Variants in ZNF532 observed in about 807,000 individuals in gnomAD.
ZNF532 encodes the protein zinc finger protein 532.
ZNF532 carries 22 observed loss-of-function variants against 89.3 expected under a neutral mutation model. The observed-to-expected ratio is 0.25, with a 90% CI of 0.18 to 0.35. ZNF532 has a LOEUF of 0.35. Ranked by LOEUF, ZNF532 falls within the 10% of genes least tolerant of loss-of-function variation. The probability of loss-of-function intolerance (pLI) is 1.00; values close to 1 mark genes in which losing one functional copy is unlikely to be tolerated. For missense variants in ZNF532, 1,132 were observed against 1,643.4 expected (o/e 0.69, Z 5.38); for synonymous variants, 606 against 649.6 (o/e 0.93, Z 1.02).
At chr18:58,910,993 C>T (rs925721766) in intron 2 of ZNF532, among the ~76,000 whole-genome samples, 5 of 152,206 alleles carry the variant, frequency 3.3e-5, no homozygotes, top group African/African-American at 1.2e-4. Flanking sequence ...ATCATCCTGC[C>T]TTGGCCTCCC....
At chr18:58,883,416 A>T (rs1349295029) in intron 2 of ZNF532, among the ~76,000 whole-genome samples, 1 of 152,126 alleles carries the variant, frequency 6.6e-6, no homozygotes, top group Non-Finnish European at 1.5e-5. Flanking sequence ...GGAGGATGAG[A>T]ACAGCTGTGA....
At chr18:58,916,107 C>T (rs1040963552) in intron 2 of ZNF532, among the ~76,000 whole-genome samples, 2 of 152,210 alleles carry the variant, frequency 1.3e-5, no homozygotes, top group African/African-American at 4.8e-5. Context: ...TTTCTAATCA[C>T]AGTGACCTCC....
chr18:58,969,342 T>C (rs1445249057), intron 7 of ZNF532, among the ~76,000 whole-genome samples: 1 of 152,112 alleles, frequency 6.6e-6, no homozygotes, highest in Admixed American at 6.5e-5. Context: ...GGAAGGGTGG[T>C]TCAGGGAGGA....
intron 7 of ZNF532, among the ~76,000 whole-genome samples, chr18:58,966,747 T>G (rs868628091): frequency 0.22 from 32,285 of 146,080 alleles, 5,056 homozygotes; most frequent in African/African-American, 0.49. Context: ...TGTTTTTTTT[T>G]TTTTTTTTTT....
chr18:58,967,669 ATACCG>A (rs2066064200), intron 7 of ZNF532, among the ~76,000 whole-genome samples: 1 of 152,162 alleles, frequency 6.6e-6, no homozygotes, highest in African/African-American at 2.4e-5. Context: ...AGCTCGGTAA[ATACCG>A]TGGAAGGAAT....
At chr18:58,944,423 T>C (rs1003250234) in intron 5 of ZNF532, among the ~76,000 whole-genome samples, 3 of 152,170 alleles carry the variant, frequency 2.0e-5, no homozygotes, top group Admixed American at 2.0e-4. Context: ...CTGCTACTCA[T>C]CCGATCTTGC....
chr18:58,964,833 C>G (rs2065760613), intron 7 of ZNF532, among the ~76,000 whole-genome samples: 1 of 151,810 alleles, frequency 6.6e-6, no homozygotes, highest in South Asian at 2.1e-4. Context: ...TCTCAAACTC[C>G]TGGCCTCAAG....
Position 58,979,140 on chromosome 18 carries a change from A to G in ZNF532, c.3236A>G (p.Lys1079Arg), listed in dbSNP as rs1448786273. The change falls in exon 8 of 10, where the codon AAA (lysine) becomes AGA (arginine). Residue 1079 changes from lysine (K) to arginine (R), a missense_variant. Lys to Arg is a conservative substitution (Grantham distance 26). Coordinates refer to ENST00000591808, the MANE Select transcript of ZNF532 (RefSeq NM_001375912.1). ...SLCRHNRIKH[K>R]GIRKVYACSH... Reference sequence around the variant, plus strand: ...TGCCGGCACAACCGGATCAAGCACAAAGGCATCAGGAAAGTGTACGCCTGC... The same window carrying G: ...TGCCGGCACAACCGGATCAAGCACAGAGGCATCAGGAAAGTGTACGCCTGC... The G allele has an allele frequency of 6.2e-7, 1 of 1,613,258 alleles. No individual in the cohort carries two copies.
chr18:58,911,446 A>T (rs1000826407), intron 2 of ZNF532, among the ~76,000 whole-genome samples: 3 of 152,218 alleles, frequency 2.0e-5, no homozygotes, highest in Non-Finnish European at 4.4e-5. Flanking sequence ...CCACAGCCTT[A>T]GGCCAGGCAG....
At chr18:58,969,946 G>A (rs2066304170) in intron 7 of ZNF532, among the ~76,000 whole-genome samples, 2 of 143,792 alleles carry the variant, frequency 1.4e-5, no homozygotes, top group South Asian at 2.2e-4. Flanking sequence ...GGGCAGTGGC[G>A]TGATCTCAGC....
intron 7 of ZNF532, among the ~76,000 whole-genome samples, chr18:58,962,545 C>T (rs148873607): frequency 2.4e-3 from 362 of 152,054 alleles, no homozygotes; most frequent in Middle Eastern, 6.9e-3. Flanking sequence ...CGGCCCAGCA[C>T]ACTTGGTGCT....
At chr18:58,942,353 T>TCCTTCCTC (rs1555740458) in intron 5 of ZNF532, among the ~76,000 whole-genome samples, 7 of 36,062 alleles carry the variant, frequency 1.9e-4, no homozygotes, top group African/African-American at 1.2e-3. Context: ...CTCCCTCCCT[T>TCCTTCCTC]CCTTCCTTCC....
In ZNF532 at chr18:58,984,327, C is replaced by T; in HGVS notation, c.3767C>T (p.Ser1256Phe). ...QENKPSHEDE[S>F]PDGAVSDRKC... is the part of the protein sequence containing the mutation. ...AACAAACCCAGCCACGAGGATGAATCCCCTGATGGCGCCGTGTCAGACAGA... is the reference window on the plus strand; with the variant it reads ...AACAAACCCAGCCACGAGGATGAATTCCCTGATGGCGCCGTGTCAGACAGA... The change falls in exon 10 of 10, where the codon TCC becomes TTC. Residue 1256 changes from serine (S) to phenylalanine (F), a missense_variant. Around this residue, in one of 9 missense-constraint regions of ZNF532, gnomAD observed 415 missense variants for 604.8 expected, o/e 0.69. Coordinates refer to ENST00000591808, the MANE Select transcript of ZNF532 (RefSeq NM_001375912.1). The T allele has an allele frequency of 1.2e-6, 2 of 1,611,976 alleles. No homozygotes were observed. Among genetic ancestry groups the T allele is most frequent in the Middle Eastern group, 2.3e-4 (1 of 4,430 alleles).
intron 2 of ZNF532, among the ~76,000 whole-genome samples, chr18:58,876,570 G>A (rs1323226445): frequency 1.3e-5 from 2 of 152,146 alleles, no homozygotes; most frequent in Non-Finnish European, 2.9e-5. Context: ...TGAGTACTCA[G>A]GATCTGAATG....
At chr18:58,907,429 C>T (rs755087640) in intron 2 of ZNF532, among the ~76,000 whole-genome samples, 5 of 152,000 alleles carry the variant, frequency 3.3e-5, no homozygotes, top group Non-Finnish European at 7.4e-5. Context: ...CGTGATCCCC[C>T]CTGCCCACCT....
At chr18:58,884,979 G>GTTTTTTTTTTTTTTTTTTTTTTTT (rs34689408) in intron 2 of ZNF532, among the ~76,000 whole-genome samples, 3 of 138,104 alleles carry the variant, frequency 2.2e-5, no homozygotes, top group African/African-American at 5.4e-5. Flanking sequence ...CAGTACAAGG[G>GTTTTTTTTTTTTTTTTTTTTTTTT]TTTTTTTTTT....
At chr18:58,898,447 A>G (rs1357399188) in intron 2 of ZNF532, among the ~76,000 whole-genome samples, 3 of 152,226 alleles carry the variant, frequency 2.0e-5, no homozygotes, top group African/African-American at 7.2e-5. Context: ...ATATGCCTAA[A>G]TATTTAAAGG....
rs942185861 is a variant in ZNF532, at chr18:58,984,975, T to C, written c.*509T>C. ...TAGGAACTTTTAAGTGTCTTAGCAC[T>C]TCCTCGATGTGCCTGCCCTGAGGGA... On this transcript the variant is annotated 3_prime_UTR_variant, in exon 10 of 10. Transcript: ENST00000591808. 4 of 158,262 alleles carry C rather than the reference T, an allele frequency of 2.5e-5. No individual in the cohort carries two copies. The highest frequency in any genetic ancestry group is 5.6e-5 in the Non-Finnish European group (4 of 71,468). The allele number at this position is 158,262 out of a possible 1,614,324, so 9.8% of individuals were successfully genotyped here.
chr18:58,925,277 G>A (rs1012376925), intron 3 of ZNF532, among the ~76,000 whole-genome samples: 1 of 152,120 alleles, frequency 6.6e-6, no homozygotes, highest in African/African-American at 2.4e-5. Context: ...CCAGCATTTG[G>A]TGCTGTTACC....
Sources: allele counts gnomAD v4.1 joint callset (sites outside exome capture counted in the v4.1 genomes callset), GRCh38; gene constraint gnomAD v4.1.1; regional missense constraint gnomAD v4.1.1; transcripts MANE v1.5; gene names NCBI Gene and HGNC (gene_info 2026-07-23, HGNC 2026-07-21).